The following TIAM2 variants were observed in gnomAD, a reference collection of about 807,000 sequenced individuals.
The protein encoded by TIAM2 is rho guanine nucleotide exchange factor TIAM2.
A neutral mutation model predicts 152.9 loss-of-function variants in TIAM2; 80 were observed. That is an observed-to-expected ratio of 0.52 (90% confidence interval 0.44 to 0.63). The LOEUF is 0.63. Among genes scored for constraint, TIAM2 ranks in the 30% least tolerant of loss-of-function variants. TIAM2 has a pLI of 0.00. For missense variants in TIAM2, 1,965 were observed against 2,120.1 expected, an observed-to-expected ratio of 0.93 and a Z score of 1.44; for synonymous variants, 804 against 838.0, an observed-to-expected ratio of 0.96 and a Z score of 0.70.
rs180901379 is a variant in TIAM2, at chr6:155,041,406, A to G, written c.-209+45914A>G. ...CTGTGTTTTTCTAAGTGTGACAGTC[A>G]TTTCCATGGGTTTGAGTTTTGCCAA... On this transcript the variant is annotated intron_variant, in intron 1 of 26. Coordinates refer to ENST00000682666, the MANE Select transcript of TIAM2 (RefSeq NM_012454.4). 2.1e-3 allele frequency among the ~76,000 whole-genome samples: 317 copies of G among 152,270 alleles called. 1 individual carries two copies. Among genetic ancestry groups the G allele is most frequent in the Non-Finnish European group, 3.3e-3 (223 of 68,014 alleles).
intron 26 of TIAM2, 74 bp from the exon 27 acceptor site, chr6:155,256,410 A>G: frequency 1.3e-6 from 2 of 1,593,662 alleles, no homozygotes; most frequent in Non-Finnish European, 1.7e-6. Flanking sequence ...AATCTTACAC[A>G]AGCTTTGAGG....
At chr6:155,040,003 T>G (rs1256347152) in intron 1 of TIAM2, among the ~76,000 whole-genome samples, 1 of 152,242 alleles carries the variant, frequency 6.6e-6, no homozygotes, top group Non-Finnish European at 1.5e-5. Context: ...TAATTTGTAC[T>G]GTAATTTGTT....
rs916100693 is a variant in TIAM2 at position 155,083,061 on chromosome 6, G to A, written c.-208-7228G>A. On this transcript the variant is annotated intron_variant, in intron 1 of 26. Coordinates refer to ENST00000682666, the MANE Select transcript of TIAM2 (RefSeq NM_012454.4). ...TTGACAGGGCTGGAAAAGAAGTAGA[G>A]GTGGGGCCGGGCACAGTGGCTCATG... Among the ~76,000 whole-genome samples, 4 of 152,180 alleles carry A rather than the reference G, an allele frequency of 2.6e-5. No homozygotes were observed. The South Asian group carries it at 8.3e-4, about 32-fold the overall frequency.
intron 5 of TIAM2, among the ~76,000 whole-genome samples, chr6:155,138,584 C>G (rs1779612874): frequency 1.3e-5 from 2 of 152,138 alleles, no homozygotes; most frequent in African/African-American, 4.8e-5. Flanking sequence ...ATCCCTCCCC[C>G]ATTCCCCCAT....
intron 1 of TIAM2, among the ~76,000 whole-genome samples, chr6:155,077,821 C>T (rs1394600315): frequency 6.6e-6 from 1 of 152,152 alleles, no homozygotes; most frequent in Non-Finnish European, 1.5e-5. Flanking sequence ...GTGACCCAAA[C>T]CCTACCAAGT....
At chr6:155,098,217 CA>C (rs1335024549) in intron 2 of TIAM2, among the ~76,000 whole-genome samples, 3 of 151,826 alleles carry the variant, frequency 2.0e-5, no homozygotes, top group Non-Finnish European at 4.4e-5. Context: ...TGAGGAATGT[CA>C]TTGGTATTTT....
At chr6:155,030,860 T>A (rs1050839369) in intron 1 of TIAM2, among the ~76,000 whole-genome samples, 3 of 152,208 alleles carry the variant, frequency 2.0e-5, no homozygotes, top group African/African-American at 4.8e-5. Flanking sequence ...GTGATCTTCC[T>A]GTGTTTAAAT....
intron 20 of TIAM2, 49 bp from the exon 21 acceptor site, chr6:155,249,802 T>A: frequency 6.6e-7 from 1 of 1,505,046 alleles, no homozygotes; most frequent in Non-Finnish European, 9.1e-7. Flanking sequence ...TTGGATAGAA[T>A]CTAAAACAAA....
intron 1 of TIAM2, among the ~76,000 whole-genome samples, chr6:155,065,350 C>T (rs981179704): frequency 2.0e-5 from 3 of 152,150 alleles, no homozygotes; most frequent in African/African-American, 7.2e-5. Context: ...TCGTGCATTT[C>T]CTTTCTTCCT....
chr6:155,021,546 G>A (rs35316065), intron 1 of TIAM2, among the ~76,000 whole-genome samples: 32,031 of 151,988 alleles, frequency 0.21, 3,717 homozygotes, highest in African/African-American at 0.3. Flanking sequence ...ACAGGCACGA[G>A]CCACCGCGCC....
At position 155,201,582 on chromosome 6, in the gene TIAM2, C is replaced by T. The variant is rs371548606; in HGVS notation, c.3065-9622C>T. On this transcript the variant is annotated intron_variant, in intron 14 of 26. Transcript: ENST00000682666. ...GCACCTTCTTTCTTTGGGTTAAGCA[C>T]GCTGCCTCAGTCACTGCCATAGCCT... is the stretch of plus-strand genomic sequence containing the variant. 5.7e-4 allele frequency among the ~76,000 whole-genome samples: 87 copies of T among 152,302 alleles called. 1 individual carries two copies. In the South Asian group the frequency reaches 0.016, roughly 29 times the overall value.
At position 155,257,060 on chromosome 6, in the gene TIAM2, G is replaced by A; in HGVS notation, c.5045G>A (p.Ser1682Asn). Residue 1682 changes from serine (S) to asparagine (N), a missense_variant, in exon 27 of 27, where the codon AGT (serine) becomes AAT (asparagine). Physicochemically the swap from Ser to Asn is conservative, Grantham distance 46. Transcript: ENST00000682666. ...CTAGAGCGAGAATTCAGTGTCCAGAGTTTAACATCTGTTGTCAGTGAGGAG... is the reference window on the plus strand; with the variant it reads ...CTAGAGCGAGAATTCAGTGTCCAGAATTTAACATCTGTTGTCAGTGAGGAG... ...SVLEREFSVQSLTSVVSEECF... is the reference protein window; with the variant it reads ...SVLEREFSVQNLTSVVSEECF... 2 of 1,614,144 alleles carry A rather than the reference G, an allele frequency of 1.2e-6. No individual in the cohort carries two copies. Among genetic ancestry groups the A allele is most frequent in the South Asian group, 2.2e-5 (2 of 91,088 alleles).
chr6:155,076,739 A>G (rs1777968564), intron 1 of TIAM2, among the ~76,000 whole-genome samples: 1 of 152,106 alleles, frequency 6.6e-6, no homozygotes, highest in African/African-American at 2.4e-5. Flanking sequence ...CTAGGCTGAC[A>G]GTGCAGTGCA....
rs771585665 is a variant in TIAM2 at position 155,176,870 on chromosome 6, A to G, written c.2416A>G (p.Asn806Asp). 6.2e-7 allele frequency: 1 copy of G among 1,614,150 alleles called. No homozygotes were observed. The highest frequency in any genetic ancestry group is 1.1e-5 in the South Asian group (1 of 91,080). ...AACAGTAGACGGTGTTCCCCGAGACAATGCATGGGAAATCCAGACTTATGT... is the reference window on the plus strand; with the variant it reads ...AACAGTAGACGGTGTTCCCCGAGACGATGCATGGGAAATCCAGACTTATGT... ...GSTVDGVPRD[N>D]AWEIQTYVHF... Residue 806 changes from asparagine to aspartate, a missense_variant, in exon 10 of 27, where the codon AAT becomes GAT. Around this residue, in one of 3 missense-constraint regions of TIAM2, gnomAD observed 1,025 missense variants for 1,119.4 expected, o/e 0.92. Transcript: ENST00000682666.
At chr6:155,107,993 T>C (rs1197345604) in intron 2 of TIAM2, among the ~76,000 whole-genome samples, 2 of 152,206 alleles carry the variant, frequency 1.3e-5, no homozygotes, top group Non-Finnish European at 2.9e-5. Flanking sequence ...GGGAGCTTTA[T>C]TGAAGTCATT....
chr6:155,024,756 C>T (rs1201540764), intron 1 of TIAM2, among the ~76,000 whole-genome samples: 1 of 151,812 alleles, frequency 6.6e-6, no homozygotes, highest in African/African-American at 2.4e-5. Context: ...GAGCAAATGT[C>T]CTTGACTTTC....
chr6:155,073,417 C>T (rs551978420), intron 1 of TIAM2, among the ~76,000 whole-genome samples: 119 of 152,260 alleles, frequency 7.8e-4, no homozygotes, highest in African/African-American at 2.8e-3. Context: ...CCCGCCTCGG[C>T]CTCCCAAAGT....
intron 1 of TIAM2, among the ~76,000 whole-genome samples, chr6:155,057,132 G>A (rs1482326877): frequency 7.0e-6 from 1 of 143,288 alleles, no homozygotes; most frequent in Admixed American, 7.5e-5. Flanking sequence ...AGGTTCAAGC[G>A]ACCCTCTTAA....
intron 1 of TIAM2, among the ~76,000 whole-genome samples, chr6:155,065,063 C>A (rs554747702): frequency 1.3e-5 from 2 of 152,288 alleles, no homozygotes; most frequent in East Asian, 3.9e-4. Context: ...TCAAGGTTCT[C>A]CTGCCTCAGC....
Sources: gnomAD v4.1 joint callset for allele counts (sites outside exome capture counted in the v4.1 genomes callset) on GRCh38, gnomAD v4.1.1 for gene constraint, gnomAD v4.1.1 regional missense constraint, MANE v1.5 for transcripts, NCBI Gene and HGNC (gene_info 2026-07-23, HGNC 2026-07-21) for gene names.